Variants in FAT1 observed in about 807,000 individuals in gnomAD.
FAT1 encodes the protein protocadherin Fat 1.
FAT1 carries 171 observed loss-of-function variants against 329.8 expected under a neutral mutation model. That is an observed-to-expected ratio of 0.52 (90% CI 0.46 to 0.59). FAT1 has a LOEUF of 0.59. FAT1 is among the 20% of genes least tolerant of loss of function. FAT1 has a pLI of 0.00. For missense variants in FAT1, 5,672 were observed against 5,774.4 expected (o/e 0.98, Z 0.57); for synonymous variants, 2,233 against 2,228.6 (o/e 1.00, Z -0.06).
At chr4:186,661,189 A>AC (rs1444270624) in intron 3 of FAT1, among the ~76,000 whole-genome samples, 1 of 152,036 alleles carries the variant, frequency 6.6e-6, no homozygotes, top group Non-Finnish European at 1.5e-5. Context: ...AACCCCTGTT[A>AC]GTCTTTGGTT....
At chr4:186,611,917 AG>A in intron 13 of FAT1, 142 bp from the exon 14 acceptor site, 1 of 601,888 alleles carries the variant, frequency 1.7e-6, no homozygotes, top group South Asian at 2.1e-5. Flanking sequence ...TCTGTCCCCC[AG>A]GTTCAAGCAA....
At chr4:186,701,858 T>C (rs1487243040) in intron 2 of FAT1, among the ~76,000 whole-genome samples, 4 of 152,270 alleles carry the variant, frequency 2.6e-5, no homozygotes, top group Admixed American at 2.0e-4. Context: ...TTTCCCTGAC[T>C]GAGGTCAACA....
At chr4:186,649,833 C>T (rs1224062236) in intron 3 of FAT1, among the ~76,000 whole-genome samples, 2 of 152,012 alleles carry the variant, frequency 1.3e-5, no homozygotes, top group African/African-American at 2.4e-5. Flanking sequence ...AACTGATATA[C>T]CAAAAACTAC....
chr4:186,713,696 C>T (rs1330883704), intron 1 of FAT1, among the ~76,000 whole-genome samples: 29 of 152,144 alleles, frequency 1.9e-4, no homozygotes, highest in Admixed American at 1.9e-3. Context: ...CGCTCTCTCA[C>T]CCAGGCTGGA....
At chr4:186,600,408 A>G (rs967568912) in intron 21 of FAT1, 48 bp from the exon 22 acceptor site, 18 of 1,482,682 alleles carry the variant, frequency 1.2e-5, no homozygotes, top group Admixed American at 4.0e-5. Context: ...AGAACCTTCA[A>G]TGAGAGCACC....
chr4:186,603,634 A>C lies in FAT1; in HGVS notation c.10892T>G (p.Ile3631Ser). The change falls in exon 19 of 27, where the codon ATC becomes AGC. Residue 3631 changes from isoleucine to serine, a missense_variant. Transcript: ENST00000441802. The stretch of plus-strand genomic sequence containing the variant: ...CAACATCTCCTGTGTGACTTGTCTG[A>C]TATGCACTGTGATGTCGGCCACCGT... ...FTTVADITVH[I>S]RQVTQEMLNH... 3.7e-6 allele frequency: 6 copies of C among 1,613,888 alleles called. No individual in the cohort carries two copies. The East Asian group carries it at 1.1e-4, about 30-fold the overall frequency.
At chr4:186,643,223 TC>T (rs1741183387) in intron 3 of FAT1, among the ~76,000 whole-genome samples, 1 of 152,138 alleles carries the variant, frequency 6.6e-6, no homozygotes, top group Non-Finnish European at 1.5e-5. Context: ...GAGAACGCGC[TC>T]CCCACGGCAG....
rs754134146 is a variant in FAT1, at chr4:186,595,839, A to ATT, written c.13001-14_13001-13insAA. On this transcript the variant is annotated splice_polypyrimidine_tract_variant and intron_variant, in intron 25 of 26. Transcript: ENST00000441802. The stretch of plus-strand genomic sequence containing the variant: ...TCCACCACTTTTGCTAAAAGGAAGG[A>ATT]TGACAAACAGTAAGTATATGGGCCA... The ATT allele has an allele frequency of 2.5e-6, 4 of 1,613,818 alleles. No homozygotes were observed. The highest frequency in any genetic ancestry group is 3.4e-6 in the Non-Finnish European group (4 of 1,179,836).
chr4:186,688,647 C>T (rs906644824), intron 2 of FAT1, among the ~76,000 whole-genome samples: 10 of 35,946 alleles, frequency 2.8e-4, no homozygotes, highest in African/African-American at 1.8e-3. Flanking sequence ...CAAGAGTACC[C>T]CCCCCGCCCC....
upstream of FAT1, among the ~76,000 whole-genome samples, chr4:186,725,978 A>G (rs1047516054): frequency 1.3e-5 from 2 of 152,138 alleles, no homozygotes; most frequent in African/African-American, 4.8e-5. This position sits in a 1 kb window ranked among gnomAD's most constrained non-coding sequence, Gnocchi z 5.4. Context: ...TCCGCACAGA[A>G]CCCTGCAAGG....
At chr4:186,610,039 C>A (rs2126461098) in intron 14 of FAT1, 24 bp from the exon 15 acceptor site, 1 of 1,474,078 alleles carries the variant, frequency 6.8e-7, no homozygotes, top group Non-Finnish European at 9.5e-7. Context: ...AAAATTACTT[C>A]CAGCATTCTG....
chr4:186,723,642 G>T (rs1194136108), intron 1 of FAT1, 22 bp downstream of exon 1: 1 of 152,144 alleles, frequency 6.6e-6, no homozygotes, highest in African/African-American at 2.4e-5. Flanking sequence ...CCGCCCGCCG[G>T]CCCGCGCCCC....
At position 186,614,662 on chromosome 4, in the gene FAT1, C is replaced by A. The variant is rs116524175; in HGVS notation, c.9076-318G>T. ...CTTATGAGAAAACGTAAGTACTAAT[C>A]AAAAATGTAAGTAGTGCTCCGTATT... On this transcript the variant is annotated intron_variant, in intron 11 of 26. Coordinates refer to ENST00000441802, the MANE Select transcript of FAT1 (RefSeq NM_005245.4). 8.5e-3 allele frequency among the ~76,000 whole-genome samples: 1,290 copies of A among 152,258 alleles called. 20 individuals are homozygous for A. Among genetic ancestry groups the A allele is most frequent in the African/African-American group, 0.03 (1,242 of 41,558 alleles).
At chr4:186,720,659 T>C (rs1579511807) in intron 1 of FAT1, among the ~76,000 whole-genome samples, 1 of 152,306 alleles carries the variant, frequency 6.6e-6, no homozygotes, top group East Asian at 1.9e-4. Context: ...TATAAGAGAC[T>C]GTGTACTTGT....
chr4:186,677,324 G>C (rs1387014308), intron 2 of FAT1, among the ~76,000 whole-genome samples: 1 of 152,100 alleles, frequency 6.6e-6, no homozygotes, highest in Non-Finnish European at 1.5e-5. Flanking sequence ...AGAAACTTCA[G>C]ATATGTCCTT....
chr4:186,611,562 T>G lies in FAT1; in HGVS notation c.9677A>C (p.Asn3226Thr), dbSNP rs1579316939. ...VIVSVLDINDNPPVFEYREYG... is the reference protein window; with the variant it reads ...VIVSVLDINDTPPVFEYREYG... Reference sequence around the variant, plus strand: ...TTCACGGTACTCAAACACAGGGGGGTTGTCATTTATGTCAAGAACTGATAC... The same window carrying G: ...TTCACGGTACTCAAACACAGGGGGGGTGTCATTTATGTCAAGAACTGATAC... Residue 3226 changes from asparagine (N) to threonine (T), a missense_variant, in exon 14 of 27, where the codon AAC becomes ACC. Physicochemically the swap from Asn to Thr is moderately conservative, Grantham distance 65. Transcript: ENST00000441802. 6.2e-7 allele frequency: 1 copy of G among 1,613,508 alleles called. No homozygotes were observed. Among genetic ancestry groups the G allele is most frequent in the Non-Finnish European group, 8.5e-7 (1 of 1,179,786 alleles).
At chr4:186,655,974 G>C (rs1260608690) in intron 3 of FAT1, among the ~76,000 whole-genome samples, 9 of 152,250 alleles carry the variant, frequency 5.9e-5, no homozygotes, top group Non-Finnish European at 1.3e-4. Flanking sequence ...TGCAAAGGCA[G>C]TTTGGTACTT....
rs2126699100 is a variant in FAT1, at chr4:186,708,793, G to A, written c.1035C>T (p.Pro345=). Residue 345 remains proline (P), a synonymous_variant, in exon 2 of 27, where the codon CCC becomes CCT. Coordinates refer to ENST00000441802, the MANE Select transcript of FAT1 (RefSeq NM_005245.4). ...GAATGACTTTAACAGAAGAGAACTG[G>A]GGCGGAGTTCCTTTATCTTTAGCCT... ...TLQAKDKGTP[P]QFSSVKVIHV... is the part of the protein sequence containing the mutation. 3.1e-6 allele frequency: 5 copies of A among 1,613,994 alleles called. No individual in the cohort carries two copies. Among genetic ancestry groups the A allele is most frequent in the Non-Finnish European group, 4.2e-6 (5 of 1,179,892 alleles).
intron 2 of FAT1, among the ~76,000 whole-genome samples, chr4:186,664,174 G>A (rs898274151): frequency 3.3e-5 from 5 of 151,940 alleles, no homozygotes; most frequent in Admixed American, 6.6e-5. Context: ...CAGAAAGCTC[G>A]GTCTGCACAC....
Sources: gnomAD v4.1 joint callset for allele counts (sites outside exome capture counted in the v4.1 genomes callset) on GRCh38, gnomAD v4.1.1 for gene constraint, Gnocchi (gnomAD v3.1) non-coding constraint, MANE v1.5 for transcripts, NCBI Gene and HGNC (gene_info 2026-07-23, HGNC 2026-07-21) for gene names.